The following CDYL2 variants were observed in gnomAD, a reference collection of about 807,000 sequenced individuals.
CDYL2 encodes chromodomain Y-like protein 2.
In CDYL2, 23 loss-of-function variants were observed where a neutral mutation model predicts 49.4. The ratio of observed to expected loss-of-function variants is 0.47; its 90% CI spans 0.34 to 0.66. The LOEUF (loss-of-function observed/expected upper bound fraction) is 0.66. CDYL2 is among the 30% of genes least tolerant of loss of function. The probability of loss-of-function intolerance (pLI) is 0.01; values close to 1 mark genes in which losing one functional copy is unlikely to be tolerated. For synonymous variants in CDYL2, 360 were observed against 268.8 expected, an observed-to-expected ratio of 1.34 and a Z score of -3.32; for missense variants, 678 against 656.4, an observed-to-expected ratio of 1.03 and a Z score of -0.36.
At chr16:80,790,214 T>A (rs1907566377) in intron 1 of CDYL2, among the ~76,000 whole-genome samples, 1 of 152,174 alleles carries the variant, frequency 6.6e-6, no homozygotes, top group African/African-American at 2.4e-5. Flanking sequence ...ATTAAGTCAA[T>A]AACCTAACAG....
Position 80,616,338 on chromosome 16 carries a change from G to A in CDYL2, c.1008-3502C>T, listed in dbSNP as rs914815726. Among the ~76,000 whole-genome samples the A allele has an allele frequency of 1.3e-4, 20 of 152,292 alleles. No individual in the cohort carries two copies. In the East Asian group the frequency reaches 2.9e-3, roughly 22 times the overall value. ...CCCAGTGCTGACATGCAGGGAGCACGCGATCCCTGCTGCTATTATTATGGG... is the reference window on the plus strand; with the variant it reads ...CCCAGTGCTGACATGCAGGGAGCACACGATCCCTGCTGCTATTATTATGGG... On this transcript the variant is annotated intron_variant, in intron 4 of 6. Transcript: ENST00000570137.
Position 80,598,224 on chromosome 16 carries a change from A to T in CDYL2, c.*6164T>A, listed in dbSNP as rs1905922637. The T allele has an allele frequency of 6.6e-6, 1 of 151,868 alleles. No homozygotes were observed. Among genetic ancestry groups the T allele is most frequent in the African/African-American group, 2.4e-5 (1 of 41,322 alleles). The allele number at this position is 151,868 out of a possible 1,614,324, so 9.4% of individuals were successfully genotyped here. On this transcript the variant is annotated 3_prime_UTR_variant, in exon 7 of 7. Coordinates refer to ENST00000570137, the MANE Select transcript of CDYL2 (RefSeq NM_152342.4). The stretch of plus-strand genomic sequence containing the variant: ...ACTAGTTAAAGACTCTCCCATGATA[A>T]TCTGGCAAAATAAAACAAGTAGCCT...
intron 1 of CDYL2, among the ~76,000 whole-genome samples, chr16:80,748,252 C>A (rs948014234): frequency 7.5e-5 from 11 of 146,802 alleles, no homozygotes; most frequent in African/African-American, 2.5e-4. Flanking sequence ...GTGGACCGGG[C>A]GCGCTGGCTC....
intron 1 of CDYL2, among the ~76,000 whole-genome samples, chr16:80,712,192 T>TATATATAC (rs1567581117): frequency 2.8e-3 from 46 of 16,532 alleles, no homozygotes; most frequent in African/African-American, 9.5e-3. Flanking sequence ...TCTGTGTGTG[T>TATATATAC]ATATATATAT....
chr16:80,738,264 C>A (rs1271454215), intron 1 of CDYL2, among the ~76,000 whole-genome samples: 1 of 152,164 alleles, frequency 6.6e-6, no homozygotes, highest in Non-Finnish European at 1.5e-5. Context: ...TCCAGTCTAT[C>A]ACTGGTGGGC....
At chr16:80,781,786 T>C (rs1456966447) in intron 1 of CDYL2, among the ~76,000 whole-genome samples, 2 of 152,098 alleles carry the variant, frequency 1.3e-5, no homozygotes, top group South Asian at 2.1e-4. Context: ...AATGGCACTG[T>C]ATTAAAACAA....
At chr16:80,665,770 C>A (rs768942354) in intron 2 of CDYL2, among the ~76,000 whole-genome samples, 3 of 152,082 alleles carry the variant, frequency 2.0e-5, no homozygotes, top group Non-Finnish European at 4.4e-5. Context: ...TACTCAGTGG[C>A]ACTGTCACCA....
chr16:80,760,116 C>G (rs1197788681), intron 1 of CDYL2, among the ~76,000 whole-genome samples: 1 of 152,146 alleles, frequency 6.6e-6, no homozygotes, highest in Middle Eastern at 3.2e-3. Flanking sequence ...ATAGGACTCC[C>G]TTAGACTAGC....
chr16:80,682,273 C>T (rs1413199762), intron 2 of CDYL2, among the ~76,000 whole-genome samples: 1 of 152,158 alleles, frequency 6.6e-6, no homozygotes, highest in Non-Finnish European at 1.5e-5. Context: ...AGAGAACACA[C>T]AACGTCAGGC....
At chr16:80,681,698 T>G (rs1025384377) in intron 2 of CDYL2, among the ~76,000 whole-genome samples, 8 of 152,184 alleles carry the variant, frequency 5.3e-5, no homozygotes, top group African/African-American at 1.9e-4. Context: ...AAGACGTCAT[T>G]GTGGGTATGG....
intron 4 of CDYL2, among the ~76,000 whole-genome samples, chr16:80,615,313 G>T (rs72824127): frequency 0.056 from 8,577 of 152,150 alleles, 473 homozygotes; most frequent in East Asian, 0.19. Flanking sequence ...CGGGGGATAT[G>T]GACTTTTTTG....
intron 2 of CDYL2, among the ~76,000 whole-genome samples, chr16:80,669,013 A>G (rs913788433): frequency 6.6e-6 from 1 of 152,106 alleles, no homozygotes; most frequent in Non-Finnish European, 1.5e-5. Context: ...AAGAGAAGAG[A>G]GGAGAAGAGA....
At chr16:80,767,627 T>C (rs564366838) in intron 1 of CDYL2, among the ~76,000 whole-genome samples, 2 of 152,226 alleles carry the variant, frequency 1.3e-5, no homozygotes, top group African/African-American at 4.8e-5. Flanking sequence ...TTTCAGACAG[T>C]GAACAAGGTA....
chr16:80,632,063 T>C (rs1403713537), intron 3 of CDYL2, among the ~76,000 whole-genome samples: 1 of 152,120 alleles, frequency 6.6e-6, no homozygotes, highest in African/African-American at 2.4e-5. Flanking sequence ...TATTAGAAAT[T>C]AGAAATATAT....
At position 80,601,425 on chromosome 16, in the gene CDYL2, G is replaced by T. The variant is rs533282633; in HGVS notation, c.*2963C>A. The T allele has an allele frequency of 2.0e-5, 3 of 152,284 alleles. No homozygotes were observed. In the East Asian group the frequency reaches 5.8e-4, roughly 29 times the overall value. 9.4% of individuals were successfully genotyped at this position (152,284 alleles called of 1,614,324 possible). A position where few individuals can be genotyped will look rare whatever the true frequency, so the allele number is the denominator to read the frequency against. ...CAGGACGGGGCTGCCAAAATGAGCC[G>T]CAATTCCTCAAAGACCTGCCCAGGC... On this transcript the variant is annotated 3_prime_UTR_variant, in exon 7 of 7. Coordinates refer to ENST00000570137, the MANE Select transcript of CDYL2 (RefSeq NM_152342.4).
In CDYL2 at chr16:80,692,411, C is replaced by T. The variant is rs546507917; in HGVS notation, c.25-7282G>A. The stretch of plus-strand genomic sequence containing the variant: ...GCCCAAGTGGTCCTTCAGATGAGAA[C>T]GGGGGAAGAAGATAACTCATCTCTT... On this transcript the variant is annotated intron_variant, in intron 1 of 6. Coordinates refer to ENST00000570137, the MANE Select transcript of CDYL2 (RefSeq NM_152342.4). Among the ~76,000 whole-genome samples the T allele has an allele frequency of 1.4e-4, 22 of 152,160 alleles. No homozygotes were observed. In the South Asian group the frequency reaches 2.9e-3, roughly 20 times the overall value.
intron 1 of CDYL2, among the ~76,000 whole-genome samples, chr16:80,739,769 A>AG (rs1413921996): frequency 6.6e-6 from 1 of 152,184 alleles, no homozygotes; most frequent in Non-Finnish European, 1.5e-5. Flanking sequence ...AGAGACAGAG[A>AG]GGTCACTGCC....
intron 2 of CDYL2, among the ~76,000 whole-genome samples, chr16:80,647,860 A>G (rs1381897808): frequency 3.3e-5 from 5 of 152,196 alleles, no homozygotes; most frequent in Admixed American, 6.5e-5. Flanking sequence ...AAAAGTAGAA[A>G]TCAATAACAG....
chr16:80,606,472 A>C (rs1906338855), intron 6 of CDYL2, among the ~76,000 whole-genome samples: 1 of 152,010 alleles, frequency 6.6e-6, no homozygotes, highest in Non-Finnish European at 1.5e-5. Context: ...CCTCCTTTTC[A>C]GTCACATGTT....
Sources: allele counts gnomAD v4.1 joint callset (sites outside exome capture counted in the v4.1 genomes callset), GRCh38; gene constraint gnomAD v4.1.1; transcripts MANE v1.5; gene names NCBI Gene and HGNC (gene_info 2026-07-23, HGNC 2026-07-21).